AGBL4: variants seen among roughly 807,000 people sequenced by gnomAD.
AGBL4 encodes the protein cytosolic carboxypeptidase 6.
AGBL4 carries 58 observed loss-of-function variants against 66.4 expected under a neutral mutation model. That is an observed-to-expected ratio of 0.87 (90% CI 0.71 to 1.09). AGBL4 has a LOEUF of 1.09. Among genes scored for constraint, AGBL4 ranks in the 50% least tolerant of loss-of-function variants. AGBL4 has a pLI of 0.00. For missense variants in AGBL4, 579 were observed against 631.0 expected (o/e 0.92, Z 0.88); for synonymous variants, 234 against 222.9 (o/e 1.05, Z -0.44).
chr1:48,835,115 G>C (rs1249154736), intron 6 of AGBL4, among the ~76,000 whole-genome samples: 1 of 152,082 alleles, frequency 6.6e-6, no homozygotes, highest in Non-Finnish European at 1.5e-5. Context: ...TTTAAACTGG[G>C]CTTCTCAGAA....
chr1:49,371,248 G>GATACATAC (rs760739499), intron 3 of AGBL4, among the ~76,000 whole-genome samples: 3,693 of 137,922 alleles, frequency 0.027, 84 homozygotes, highest in African/African-American at 0.065. Context: ...TAGATAGATA[G>GATACATAC]ATACATACAT....
intron 4 of AGBL4, among the ~76,000 whole-genome samples, chr1:49,243,890 G>T (rs1651430305): frequency 6.6e-6 from 1 of 151,702 alleles, no homozygotes; most frequent in South Asian, 2.1e-4. Context: ...GAAACTTTAG[G>T]CTCTTTCAGA....
chr1:49,149,568 G>A (rs1292919143), intron 4 of AGBL4, among the ~76,000 whole-genome samples: 3 of 152,230 alleles, frequency 2.0e-5, no homozygotes, highest in South Asian at 2.1e-4. Flanking sequence ...CTACGTTTAT[G>A]CTATACAATT....
chr1:49,932,696 A>T (rs1480517392), intron 1 of AGBL4, among the ~76,000 whole-genome samples: 1 of 152,080 alleles, frequency 6.6e-6, no homozygotes, highest in East Asian at 1.9e-4. Context: ...ATCCCAACCC[A>T]CTTTCCTCCC....
rs1023807596 is a variant in AGBL4, at chr1:48,627,166, G to A, written c.951+7327C>T. On this transcript the variant is annotated intron_variant, in intron 9 of 13. Transcript: ENST00000371839. ...GGTTTCTAGTGAGGAGTTGCCATCC[G>A]AGGGCCTTCTAACCTGGTGACCCAG... Among the ~76,000 whole-genome samples the A allele has an allele frequency of 3.3e-5, 5 of 152,118 alleles. No individual in the cohort carries two copies. In the South Asian group the frequency reaches 8.3e-4, roughly 25 times the overall value.
chr1:48,902,411 G>C (rs1652173526), intron 5 of AGBL4, among the ~76,000 whole-genome samples: 1 of 152,150 alleles, frequency 6.6e-6, no homozygotes, highest in Non-Finnish European at 1.5e-5. Context: ...AAGTCCAGGA[G>C]TCTGATGTTG....
chr1:49,606,840 T>A (rs999956083), intron 3 of AGBL4, among the ~76,000 whole-genome samples: 1 of 152,028 alleles, frequency 6.6e-6, no homozygotes, highest in African/African-American at 2.4e-5. Flanking sequence ...CCTTTCTACA[T>A]CCCTTCATTT....
At chr1:49,284,084 G>T (rs1196921250) in intron 3 of AGBL4, among the ~76,000 whole-genome samples, 5 of 151,686 alleles carry the variant, frequency 3.3e-5, no homozygotes, top group African/African-American at 9.7e-5. Context: ...CACCAAAGTT[G>T]AAATGAAGGA....
chr1:49,912,892 T>G (rs1205699992), intron 1 of AGBL4, among the ~76,000 whole-genome samples: 1 of 152,162 alleles, frequency 6.6e-6, no homozygotes. Flanking sequence ...CCACAATAAC[T>G]AATTCACTCC....
chr1:48,967,340 GTTTA>G (rs1658530508), intron 5 of AGBL4, among the ~76,000 whole-genome samples: 1 of 151,920 alleles, frequency 6.6e-6, no homozygotes, highest in Admixed American at 6.6e-5. Context: ...TAATTCACTC[GTTTA>G]TTTATTCATT....
intron 3 of AGBL4, among the ~76,000 whole-genome samples, chr1:49,520,207 C>G (rs1650146225): frequency 6.6e-6 from 1 of 152,004 alleles, no homozygotes. Flanking sequence ...ACTTCCTCCT[C>G]TGGTTATGCT....
At chr1:48,809,724 T>C (rs780134992) in intron 6 of AGBL4, among the ~76,000 whole-genome samples, 2 of 152,218 alleles carry the variant, frequency 1.3e-5, no homozygotes, top group Non-Finnish European at 2.9e-5. Context: ...TTACACACTC[T>C]GCTTAAACTC....
At chr1:48,987,612 C>G (rs1660280064) in intron 5 of AGBL4, among the ~76,000 whole-genome samples, 1 of 152,006 alleles carries the variant, frequency 6.6e-6, no homozygotes, top group African/African-American at 2.4e-5. Context: ...GATAGAAAAT[C>G]AGAAAGGATA....
chr1:48,708,673 A>C (rs1018837978), intron 6 of AGBL4, among the ~76,000 whole-genome samples: 2 of 152,218 alleles, frequency 1.3e-5, no homozygotes, highest in African/African-American at 4.8e-5. Flanking sequence ...TGTGGGACAG[A>C]ATGGAAGGGC....
intron 5 of AGBL4, among the ~76,000 whole-genome samples, chr1:48,900,485 G>A (rs1261835389): frequency 6.6e-6 from 1 of 152,164 alleles, no homozygotes; most frequent in Non-Finnish European, 1.5e-5. Context: ...CTGATTTAAA[G>A]ACTTATTATA....
chr1:49,285,956 A>C (rs1644397084), intron 3 of AGBL4, among the ~76,000 whole-genome samples: 1 of 152,248 alleles, frequency 6.6e-6, no homozygotes, highest in Non-Finnish European at 1.5e-5. Context: ...TGATGCAAAA[A>C]TCCTCAATAA....
At chr1:49,443,373 T>A (rs1469703969) in intron 3 of AGBL4, among the ~76,000 whole-genome samples, 2 of 152,132 alleles carry the variant, frequency 1.3e-5, no homozygotes, top group East Asian at 3.8e-4. Context: ...TTTCTCTAGA[T>A]GTTCTTCAAT....
chr1:49,671,411 G>A (rs771217321), intron 3 of AGBL4, among the ~76,000 whole-genome samples: 2 of 152,094 alleles, frequency 1.3e-5, no homozygotes, highest in Non-Finnish European at 2.9e-5. Flanking sequence ...TATCATCCTG[G>A]ACGTGGGAAC....
intron 1 of AGBL4, among the ~76,000 whole-genome samples, chr1:49,934,245 G>C (rs1653686112): frequency 2.0e-5 from 3 of 152,028 alleles, no homozygotes; most frequent in Admixed American, 2.0e-4. Context: ...GTCAAAAACA[G>C]GATATCCAGA....
Sources: gnomAD v4.1 joint callset for allele counts (sites outside exome capture counted in the v4.1 genomes callset) on GRCh38, gnomAD v4.1.1 for gene constraint, MANE v1.5 for transcripts, NCBI Gene and HGNC (gene_info 2026-07-23, HGNC 2026-07-21) for gene names.